ATXN10: variants seen among roughly 807,000 people sequenced by gnomAD.
The protein encoded by ATXN10 is ataxin 10, also known as ataxin-10.
In ATXN10, 28 loss-of-function variants were observed where a neutral mutation model predicts 52.9. The observed-to-expected ratio is 0.53, with a 90% CI of 0.39 to 0.73. ATXN10 has a LOEUF of 0.73. Ranked by LOEUF, ATXN10 falls within the 30% of genes least tolerant of loss-of-function variation. ATXN10 has a pLI of 0.00. For missense variants in ATXN10, 565 were observed against 577.0 expected, an observed-to-expected ratio of 0.98 and a Z score of 0.21; for synonymous variants, 226 against 221.5, an observed-to-expected ratio of 1.02 and a Z score of -0.18.
At chr22:45,799,279 T>A (rs1927854965) in intron 9 of ATXN10, among the ~76,000 whole-genome samples, 1 of 152,140 alleles carries the variant, frequency 6.6e-6, no homozygotes, top group African/African-American at 2.4e-5. Context: ...GTTTTAAAAT[T>A]TGAAAATGCA....
Position 45,710,067 on chromosome 22 carries a change from C to T in ATXN10, c.647+7220C>T, listed in dbSNP as rs936437704. ...TCTCTCCTTTTGCCCTCTGAATCAT[C>T]ACACAGTAGCCAGAGTGACCTTTTA... On this transcript the variant is annotated intron_variant, in intron 5 of 11. Transcript: ENST00000252934. 3.9e-5 allele frequency among the ~76,000 whole-genome samples: 6 copies of T among 152,236 alleles called. No homozygotes were observed. In the East Asian group the frequency reaches 1.2e-3, roughly 29 times the overall value.
intron 9 of ATXN10, among the ~76,000 whole-genome samples, chr22:45,799,078 T>C (rs1927845297): frequency 2.3e-5 from 1 of 44,058 alleles, no homozygotes; most frequent in South Asian, 7.5e-4. Context: ...CATTTGTGTT[T>C]TGTTTTTTGT....
intron 7 of ATXN10, 87 bp downstream of exon 7, chr22:45,729,677 T>TA (rs893821940): frequency 7.2e-7 from 1 of 1,386,700 alleles, no homozygotes; most frequent in African/African-American, 1.4e-5. Context: ...AATTCTTTTT[T>TA]AAAAGCTTTA....
At chr22:45,694,414 G>A (rs537442650) in intron 3 of ATXN10, among the ~76,000 whole-genome samples, 2 of 152,298 alleles carry the variant, frequency 1.3e-5, no homozygotes, top group Admixed American at 6.5e-5. Flanking sequence ...CACTTGGAGA[G>A]GCCAAGGTGG....
chr22:45,721,523 A>G (rs1924650456), intron 6 of ATXN10, among the ~76,000 whole-genome samples: 1 of 152,244 alleles, frequency 6.6e-6, no homozygotes, highest in Admixed American at 6.5e-5. Flanking sequence ...GAAAGAGTTC[A>G]AATACCACCT....
At chr22:45,810,017 A>G (rs549898548) in intron 10 of ATXN10, among the ~76,000 whole-genome samples, 1 of 152,284 alleles carries the variant, frequency 6.6e-6, no homozygotes, top group South Asian at 2.1e-4. Flanking sequence ...TTATGATGAT[A>G]ATAATATATT....
At chr22:45,747,642 T>A (rs1194657157) in intron 9 of ATXN10, among the ~76,000 whole-genome samples, 2 of 152,206 alleles carry the variant, frequency 1.3e-5, no homozygotes, top group Non-Finnish European at 2.9e-5. Flanking sequence ...CTTATGAGAC[T>A]TTAGAGTTCA....
At position 45,771,937 on chromosome 22, in the gene ATXN10, A is replaced by C. The variant is rs534575413; in HGVS notation, c.1173+31399A>C. On this transcript the variant is annotated intron_variant, in intron 9 of 11. Coordinates refer to ENST00000252934, the MANE Select transcript of ATXN10 (RefSeq NM_013236.4). ...CTGTGCCCAGCTGGATTGTTTTGTT[A>C]TTGTAGAATTTTGAGCATTCTTTGT... Among the ~76,000 whole-genome samples the C allele has an allele frequency of 9.9e-5, 15 of 152,104 alleles. 1 individual carries two copies. In the South Asian group the frequency reaches 3.1e-3, roughly 32 times the overall value.
intron 9 of ATXN10, among the ~76,000 whole-genome samples, chr22:45,765,790 A>G (rs181651455): frequency 5.9e-5 from 9 of 152,298 alleles, no homozygotes; most frequent in Non-Finnish European, 1.5e-5. Flanking sequence ...AAAAGACTCA[A>G]TTTCATTCAG....
rs1924281470 is a variant in ATXN10 at position 45,712,313 on chromosome 22, G to A, written c.648-6100G>A. Among the ~76,000 whole-genome samples, 1 of 152,198 alleles carries A rather than the reference G, an allele frequency of 6.6e-6. No homozygotes were observed. Among genetic ancestry groups the A allele is most frequent in the South Asian group, 2.1e-4 (1 of 4,838 alleles). ...GGGATGCTGAACAGGGGAAAAAGTG[G>A]CAGATATCCACAAGGACTGTCAGTG... On this transcript the variant is annotated intron_variant, in intron 5 of 11. Transcript: ENST00000252934. The surrounding 1 kb of genome is among the most constrained non-coding windows in gnomAD (Gnocchi z 4.6).
rs186316700 is a variant in ATXN10, at chr22:45,841,313, C to G, written c.1238-1678C>G. 6.6e-6 allele frequency among the ~76,000 whole-genome samples: 1 copy of G among 152,232 alleles called. No individual in the cohort carries two copies. The highest frequency in any genetic ancestry group is 2.4e-5 in the African/African-American group (1 of 41,452). On this transcript the variant is annotated intron_variant, in intron 10 of 11. Transcript: ENST00000252934. This position sits in a 1 kb window ranked among gnomAD's most constrained non-coding sequence, Gnocchi z 5.1. ...CAGCATTAGCTGGGCACTGACAGTC[C>G]TTTTCTCTGCCATCTGGAAAAGGTC...
chr22:45,804,516 G>A (rs1175854996), intron 9 of ATXN10, among the ~76,000 whole-genome samples: 1 of 152,184 alleles, frequency 6.6e-6, no homozygotes, highest in Non-Finnish European at 1.5e-5. Flanking sequence ...TGGAGATCTG[G>A]TTTCTTTCAG....
intron 9 of ATXN10, among the ~76,000 whole-genome samples, chr22:45,785,283 C>T (rs1012017526): frequency 6.6e-6 from 1 of 152,178 alleles, no homozygotes; most frequent in African/African-American, 2.4e-5. Flanking sequence ...CATATTTTCT[C>T]CTGCTTCTGC....
chr22:45,720,850 G>C (rs1428710666), intron 6 of ATXN10, among the ~76,000 whole-genome samples: 2 of 152,196 alleles, frequency 1.3e-5, no homozygotes, highest in Non-Finnish European at 2.9e-5. Context: ...ATTTCTAACA[G>C]TCTGAGGCTG....
chr22:45,675,125 A>G (rs1187808659), intron 1 of ATXN10: 1 of 152,252 alleles, frequency 6.6e-6, no homozygotes, highest in Admixed American at 6.5e-5. Flanking sequence ...TTATTAAAAT[A>G]TAACAAGGTT....
rs1276386677 is a variant in ATXN10 at position 45,818,730 on chromosome 22, T to C, written c.1237+11708T>C. 1.3e-5 allele frequency among the ~76,000 whole-genome samples: 2 copies of C among 152,020 alleles called. No homozygotes were observed. The highest frequency in any genetic ancestry group is 2.9e-5 in the Non-Finnish European group (2 of 68,004). ...CTTGCTCTCGGTTACTTCAGCTGCC[T>C]GTCTGCTGCGTTTTCCCAAGCGTGC... is the stretch of plus-strand genomic sequence containing the variant. On this transcript the variant is annotated intron_variant, in intron 10 of 11. Transcript: ENST00000252934. This position sits in a 1 kb window ranked among gnomAD's most constrained non-coding sequence, Gnocchi z 4.6.
At chr22:45,771,386 CAT>C (rs1423847288) in intron 9 of ATXN10, among the ~76,000 whole-genome samples, 1 of 146,342 alleles carries the variant, frequency 6.8e-6, no homozygotes, top group East Asian at 2.0e-4. Flanking sequence ...GACGTTTTTT[CAT>C]ATGTTTAATT....
chr22:45,685,657 G>A (rs1923108249), intron 1 of ATXN10, among the ~76,000 whole-genome samples: 1 of 152,178 alleles, frequency 6.6e-6, no homozygotes, highest in Admixed American at 6.5e-5. Context: ...ATGCCAAATA[G>A]TTTTCTTTCA....
At chr22:45,821,804 A>T (rs1270900328) in intron 10 of ATXN10, among the ~76,000 whole-genome samples, 5 of 152,172 alleles carry the variant, frequency 3.3e-5, no homozygotes, top group Admixed American at 2.0e-4. Context: ...TAGTTTTTTT[A>T]AAACTTCTTG....
Sources: allele counts gnomAD v4.1 joint callset (sites outside exome capture counted in the v4.1 genomes callset), GRCh38; gene constraint gnomAD v4.1.1; non-coding constraint Gnocchi (gnomAD v3.1); transcripts MANE v1.5; gene names NCBI Gene and HGNC (gene_info 2026-07-23, HGNC 2026-07-21).